Variants in FRMD4A observed in about 807,000 individuals in gnomAD.
FRMD4A encodes FERM domain-containing protein 4A.
In FRMD4A, 29 loss-of-function variants were observed where a neutral mutation model predicts 129.1. The observed-to-expected ratio is 0.22, with a 90% CI of 0.17 to 0.31. The LOEUF (loss-of-function observed/expected upper bound fraction) is 0.31. Ranked by LOEUF, FRMD4A falls within the 10% of genes least tolerant of loss-of-function variation. The pLI is 1.00. For missense variants in FRMD4A, 1,272 were observed against 1,375.8 expected (o/e 0.92, Z 1.19); for synonymous variants, 634 against 571.6 (o/e 1.11, Z -1.56).
chr10:14,318,221 C>T (rs2132115431), intron 2 of FRMD4A, among the ~76,000 whole-genome samples: 1 of 152,210 alleles, frequency 6.6e-6, no homozygotes, highest in East Asian at 1.9e-4. Context: ...GTTCATTAAT[C>T]CCTAGGAAAT....
intron 2 of FRMD4A, among the ~76,000 whole-genome samples, chr10:14,294,011 T>C (rs1564446158): frequency 6.6e-6 from 1 of 152,202 alleles, no homozygotes; most frequent in African/African-American, 2.4e-5. Flanking sequence ...TACTTGGGAA[T>C]AATTCCACAG....
chr10:13,713,348 T>C (rs898881779), intron 12 of FRMD4A, among the ~76,000 whole-genome samples: 1 of 152,170 alleles, frequency 6.6e-6, no homozygotes, highest in African/African-American at 2.4e-5. Flanking sequence ...TAACACACCA[T>C]GAAGCTCTGA....
intron 2 of FRMD4A, among the ~76,000 whole-genome samples, chr10:14,296,679 T>A (rs1431613503): frequency 6.6e-6 from 1 of 152,196 alleles, no homozygotes; most frequent in Non-Finnish European, 1.5e-5. Flanking sequence ...CTTGTCTATT[T>A]TCTCATTTAT....
At chr10:14,042,451 C>A (rs1833815930) in intron 2 of FRMD4A, among the ~76,000 whole-genome samples, 1 of 152,296 alleles carries the variant, frequency 6.6e-6, no homozygotes, top group Admixed American at 6.5e-5. Context: ...ACGCTGGCTC[C>A]TTTGTTCAGT....
chr10:13,774,362 A>G (rs2092543938), intron 6 of FRMD4A, among the ~76,000 whole-genome samples: 1 of 152,198 alleles, frequency 6.6e-6, no homozygotes, highest in South Asian at 2.1e-4. Context: ...TTTGGGAAAA[A>G]TAGCAAAACA....
chr10:14,055,765 T>C (rs570793840), intron 2 of FRMD4A, among the ~76,000 whole-genome samples: 118 of 152,382 alleles, frequency 7.7e-4, no homozygotes, highest in African/African-American at 2.5e-3. Context: ...AGGCATGCAA[T>C]GTGTAATGAT....
intron 2 of FRMD4A, among the ~76,000 whole-genome samples, chr10:14,329,216 T>C (rs1436004721): frequency 1.3e-5 from 2 of 152,170 alleles, no homozygotes; most frequent in Non-Finnish European, 2.9e-5. Flanking sequence ...GTGTAAATGC[T>C]GGAAACATTT....
intron 2 of FRMD4A, among the ~76,000 whole-genome samples, chr10:13,976,311 C>T (rs578013397): frequency 3.5e-4 from 53 of 152,114 alleles, no homozygotes; most frequent in Non-Finnish European, 4.0e-4. Flanking sequence ...CAGTGGCTGA[C>T]CTGGGAGGGA....
intron 2 of FRMD4A, among the ~76,000 whole-genome samples, chr10:13,987,317 AAG>A (rs1464988203): frequency 6.6e-6 from 1 of 152,186 alleles, no homozygotes; most frequent in Non-Finnish European, 1.5e-5. Context: ...ATCGACTCTT[AAG>A]AAACTTCCAC....
chr10:13,831,090 A>T (rs2093783263), intron 3 of FRMD4A, among the ~76,000 whole-genome samples: 1 of 152,116 alleles, frequency 6.6e-6, no homozygotes, highest in Non-Finnish European at 1.5e-5. Flanking sequence ...ATGCCTGGCC[A>T]ATTTTGCTTT....
chr10:13,963,320 A>G (rs547479926), intron 2 of FRMD4A, among the ~76,000 whole-genome samples: 1 of 150,368 alleles, frequency 6.7e-6, no homozygotes, highest in South Asian at 2.1e-4. Context: ...TAATCAGAGA[A>G]AAGGCCAAGC....
chr10:13,981,835 G>C (rs1220621360), intron 2 of FRMD4A, among the ~76,000 whole-genome samples: 2 of 152,078 alleles, frequency 1.3e-5, no homozygotes, highest in Non-Finnish European at 2.9e-5. Flanking sequence ...TTCCTGTTAG[G>C]GCAGGGGGTC....
chr10:14,104,133 C>A (rs1270163200), intron 2 of FRMD4A, among the ~76,000 whole-genome samples: 2 of 151,804 alleles, frequency 1.3e-5, no homozygotes, highest in Non-Finnish European at 2.9e-5. Flanking sequence ...GTCTACACTG[C>A]CATTGAGGTT....
intron 2 of FRMD4A, among the ~76,000 whole-genome samples, chr10:13,955,443 A>T: frequency 6.6e-6 from 1 of 152,254 alleles, no homozygotes; most frequent in African/African-American, 2.4e-5. Flanking sequence ...ATGATGGGTG[A>T]TCCATCGTAC....
chr10:14,051,806 G>A (rs376248712), intron 2 of FRMD4A, among the ~76,000 whole-genome samples: 23 of 152,366 alleles, frequency 1.5e-4, no homozygotes, highest in African/African-American at 5.5e-4. Context: ...AGGGCCCTGA[G>A]CAGGGCAGGA....
chr10:13,720,768 A>T (rs1248279028), intron 12 of FRMD4A, among the ~76,000 whole-genome samples: 1 of 152,162 alleles, frequency 6.6e-6, no homozygotes, highest in Non-Finnish European at 1.5e-5. Context: ...CTGGGCAGCT[A>T]TGTGAGGGAA....
intron 2 of FRMD4A, among the ~76,000 whole-genome samples, chr10:14,307,201 C>T (rs1846382971): frequency 6.6e-6 from 1 of 152,282 alleles, no homozygotes; most frequent in South Asian, 2.1e-4. Flanking sequence ...GCAAAATATG[C>T]ATTCGCAAAG....
At chr10:13,781,933 T>C (rs2092747059) in intron 6 of FRMD4A, among the ~76,000 whole-genome samples, 1 of 152,112 alleles carries the variant, frequency 6.6e-6, no homozygotes. Flanking sequence ...GTGTACTGAA[T>C]GCCGCTGAAC....
At chr10:14,127,935 T>C (rs1265618310) in intron 2 of FRMD4A, among the ~76,000 whole-genome samples, 6 of 8,882 alleles carry the variant, frequency 6.8e-4, no homozygotes, top group Non-Finnish European at 1.0e-3. Context: ...TCTTTCTTTC[T>C]TTCTTTCTTT....
Sources: allele counts gnomAD v4.1 joint callset (sites outside exome capture counted in the v4.1 genomes callset), GRCh38; gene constraint gnomAD v4.1.1; transcripts MANE v1.5; gene names NCBI Gene and HGNC (gene_info 2026-07-23, HGNC 2026-07-21).